The following CLDN10 variants were observed in gnomAD, a reference collection of about 807,000 sequenced individuals.
CLDN10 encodes the protein claudin 10.
A neutral mutation model predicts 22.9 loss-of-function variants in CLDN10; 15 were observed. The observed-to-expected ratio is 0.65, with a 90% CI of 0.44 to 1.01. The LOEUF (loss-of-function observed/expected upper bound fraction) is 1.01. Ranked by LOEUF, CLDN10 falls within the 50% of genes least tolerant of loss-of-function variation. The pLI, the probability that CLDN10 is intolerant of heterozygous loss-of-function variation, is 0.00. For missense variants in CLDN10, 247 were observed against 287.8 expected, an observed-to-expected ratio of 0.86 and a Z score of 1.03; for synonymous variants, 114 against 111.4, an observed-to-expected ratio of 1.02 and a Z score of -0.15.
chr13:95,436,876 T>G (rs2042277682), intron 1 of CLDN10, among the ~76,000 whole-genome samples: 1 of 152,178 alleles, frequency 6.6e-6, no homozygotes. Context: ...ACAATAATTA[T>G]AAATTGAGAA....
chr13:95,524,114 C>T (rs1424787499), intron 1 of CLDN10, among the ~76,000 whole-genome samples: 1 of 135,800 alleles, frequency 7.4e-6, no homozygotes, highest in Non-Finnish European at 1.6e-5. Context: ...TTTTTTGAGA[C>T]AGAGTCTCAC....
chr13:95,478,449 T>A (rs59526578), intron 1 of CLDN10, among the ~76,000 whole-genome samples: 6,648 of 152,246 alleles, frequency 0.044, 476 homozygotes, highest in African/African-American at 0.15. Context: ...CATACAGCCA[T>A]GTTAGAGAAC....
chr13:95,533,544 G>A (rs557074499), intron 1 of CLDN10, among the ~76,000 whole-genome samples: 6 of 152,046 alleles, frequency 3.9e-5, no homozygotes, highest in Non-Finnish European at 5.9e-5. Flanking sequence ...AATAAATCAC[G>A]CTGGTATCTT....
intron 1 of CLDN10, among the ~76,000 whole-genome samples, chr13:95,485,391 C>T (rs553267362): frequency 2.0e-5 from 3 of 152,164 alleles, no homozygotes; most frequent in Non-Finnish European, 2.9e-5. Context: ...ATTTTACCAG[C>T]CTCCATGGTC....
chr13:95,537,758 C>A (rs2043415570), intron 1 of CLDN10, among the ~76,000 whole-genome samples: 1 of 152,206 alleles, frequency 6.6e-6, no homozygotes, highest in Non-Finnish European at 1.5e-5. Flanking sequence ...ATCATAACTA[C>A]CTGCCTGGTA....
intron 3 of CLDN10, among the ~76,000 whole-genome samples, chr13:95,570,416 T>G (rs373639953): frequency 3.9e-5 from 6 of 152,344 alleles, no homozygotes; most frequent in African/African-American, 1.4e-4. Context: ...ATGTTCCTTT[T>G]ACATTACAGT....
intron 1 of CLDN10, among the ~76,000 whole-genome samples, chr13:95,521,576 G>A (rs1019826395): frequency 1.3e-5 from 2 of 152,058 alleles, no homozygotes; most frequent in African/African-American, 4.8e-5. Flanking sequence ...ACTGGAATAA[G>A]TTTGCTAACA....
chr13:95,482,347 C>T (rs2042758011), intron 1 of CLDN10, among the ~76,000 whole-genome samples: 1 of 152,028 alleles, frequency 6.6e-6, no homozygotes, highest in Non-Finnish European at 1.5e-5. Context: ...TTTGTTGACC[C>T]CTTCTCTAAT....
intron 1 of CLDN10, chr13:95,479,433 G>A (rs943133408): frequency 5.9e-5 from 9 of 152,116 alleles, no homozygotes; most frequent in African/African-American, 1.9e-4. Context: ...CCAATGACAA[G>A]CCTGAAGGTA....
chr13:95,448,257 A>G (rs2042399977), intron 1 of CLDN10, among the ~76,000 whole-genome samples: 1 of 152,068 alleles, frequency 6.6e-6, no homozygotes, highest in African/African-American at 2.4e-5. Flanking sequence ...CACATCACAC[A>G]TACATGTGGG....
At chr13:95,478,225 T>C (rs1015097277) in intron 1 of CLDN10, among the ~76,000 whole-genome samples, 12 of 152,164 alleles carry the variant, frequency 7.9e-5, no homozygotes, top group Admixed American at 5.9e-4. Flanking sequence ...TGAGAATCGC[T>C]TGAGCCCAGG....
At chr13:95,460,580 G>A (rs528203189) in intron 1 of CLDN10, among the ~76,000 whole-genome samples, 1 of 152,266 alleles carries the variant, frequency 6.6e-6, no homozygotes, top group African/African-American at 2.4e-5. Context: ...ACAGCGTGGG[G>A]AAAACCACCC....
At chr13:95,517,989 A>T (rs1209133364) in intron 1 of CLDN10, among the ~76,000 whole-genome samples, 1 of 151,790 alleles carries the variant, frequency 6.6e-6, no homozygotes, top group Non-Finnish European at 1.5e-5. Flanking sequence ...ATCAACGAAC[A>T]GTCCATTTTA....
At position 95,463,286 on chromosome 13, in the gene CLDN10, ATATATAT is replaced by A. The variant is rs1313263455; in HGVS notation, c.214+29240_214+29246del. 9.9e-3 allele frequency among the ~76,000 whole-genome samples: 220 copies of A among 22,320 alleles called. 13 individuals carry two copies. The highest frequency in any genetic ancestry group is 0.02 in the Admixed American group (36 of 1,836). 14.6% of individuals were successfully genotyped at this position (22,320 alleles called of 152,430 possible). A position where few individuals can be genotyped will look rare whatever the true frequency, so the allele number is the denominator to read the frequency against. On this transcript the variant is annotated intron_variant, in intron 1 of 4. Transcript: ENST00000376873. ...GTTGAGTCAAAAGTGCAAATGCTTA[ATATATAT>A]ATATATATATATATATATATATATA...
intron 3 of CLDN10, 57 bp downstream of exon 3, chr13:95,560,520 T>G: frequency 5.1e-6 from 7 of 1,366,046 alleles, no homozygotes; most frequent in Middle Eastern, 1.8e-4. Context: ...AAATTAATAT[T>G]CTCAACCAAG....
At chr13:95,569,547 G>GC (rs898751583) in intron 3 of CLDN10, among the ~76,000 whole-genome samples, 2 of 152,004 alleles carry the variant, frequency 1.3e-5, no homozygotes, top group African/African-American at 4.8e-5. Flanking sequence ...TCGCACCACT[G>GC]CACTCCAGCC....
At chr13:95,510,583 C>T (rs1329351147) in intron 1 of CLDN10, among the ~76,000 whole-genome samples, 2 of 151,960 alleles carry the variant, frequency 1.3e-5, no homozygotes, top group South Asian at 2.1e-4. Flanking sequence ...ATTTATTAAG[C>T]CTTTGCTCAT....
intron 1 of CLDN10, among the ~76,000 whole-genome samples, chr13:95,435,807 T>C (rs1443391411): frequency 6.6e-6 from 1 of 151,978 alleles, no homozygotes; most frequent in Non-Finnish European, 1.5e-5. Flanking sequence ...TTGGGTTCAT[T>C]TTTTATTTGT....
intron 1 of CLDN10, among the ~76,000 whole-genome samples, chr13:95,507,581 G>T (rs1027377885): frequency 2.6e-5 from 4 of 151,636 alleles, no homozygotes; most frequent in Non-Finnish European, 5.9e-5. Flanking sequence ...AAGCCCAGGA[G>T]TTCAAGACGC....
Sources: gnomAD v4.1 joint callset for allele counts (sites outside exome capture counted in the v4.1 genomes callset) on GRCh38, gnomAD v4.1.1 for gene constraint, MANE v1.5 for transcripts, NCBI Gene and HGNC (gene_info 2026-07-23, HGNC 2026-07-21) for gene names.